Variants in ADGRE3 observed in about 807,000 individuals in gnomAD.
The protein encoded by ADGRE3 is EGF-like module receptor 3.
ADGRE3 carries 88 observed loss-of-function variants against 80.1 expected under a neutral mutation model. The observed-to-expected ratio is 1.10, with a 90% CI of 0.93 to 1.31. The LOEUF is 1.31. Among genes scored for constraint, ADGRE3 ranks in the 40% most tolerant of loss-of-function variants. ADGRE3 has a pLI of 0.00. For missense variants in ADGRE3, 715 were observed against 776.5 expected (o/e 0.92, Z 0.94); for synonymous variants, 281 against 294.8 (o/e 0.95, Z 0.48).
At position 14,669,859 on chromosome 19, in the gene ADGRE3, C is replaced by T. The variant is rs1452220259; in HGVS notation, c.26-1007G>A. On this transcript the variant is annotated intron_variant, in intron 1 of 15. Transcript: ENST00000253673. ...TTTCTGGGTCCAACAGTAGTTCTAT[C>T]TTTAGTTCTTTAAGAGATCTCCAAA... 2.0e-5 allele frequency among the ~76,000 whole-genome samples: 3 copies of T among 151,960 alleles called. No individual in the cohort carries two copies. The East Asian group carries it at 5.8e-4, about 29-fold the overall frequency.
chr19:14,657,166 C>T (rs1208995144), intron 5 of ADGRE3, among the ~76,000 whole-genome samples: 9 of 152,182 alleles, frequency 5.9e-5, no homozygotes, highest in Non-Finnish European at 2.9e-5. Flanking sequence ...GCTGGGATTA[C>T]AGGCATTAGC....
intron 7 of ADGRE3, among the ~76,000 whole-genome samples, chr19:14,650,629 ATCTCTCTC>A (rs376333448): frequency 0.032 from 778 of 24,414 alleles, 5 homozygotes; most frequent in South Asian, 0.058. Flanking sequence ...CTCTGTCTCC[ATCTCTCTC>A]TCTCTCTCTC....
Position 14,663,421 on chromosome 19 carries a change from T to C in ADGRE3, c.196A>G (p.Asn66Asp), listed in dbSNP as rs202140919. The stretch of plus-strand genomic sequence containing the variant: ...AAAAATAATAATACTTCTTTACCGT[T>C]ACATGTCTCCAAGGGGAATGTGAAT... The part of the protein sequence containing the change: ...KLFTFPLETC[N>D]DINECTPPYS... Residue 66 changes from asparagine to aspartate, a missense_variant, in exon 3 of 16, where the codon AAC (asparagine) becomes GAC (aspartate). Physicochemically the swap from Asn to Asp is conservative, Grantham distance 23. Coordinates refer to ENST00000253673, the MANE Select transcript of ADGRE3 (RefSeq NM_032571.5). 9 of 1,583,346 alleles carry C rather than the reference T, an allele frequency of 5.7e-6. No homozygotes were observed. The highest frequency in any genetic ancestry group is 7.8e-6 in the Non-Finnish European group (9 of 1,159,228).
intron 7 of ADGRE3, among the ~76,000 whole-genome samples, chr19:14,648,802 A>G (rs1198435323): frequency 6.6e-6 from 1 of 152,106 alleles, no homozygotes; most frequent in African/African-American, 2.4e-5. Context: ...TTCAAGCTGC[A>G]CTATCAGTTC....
At chr19:14,621,374 G>A (rs1215957492) in intron 15 of ADGRE3, among the ~76,000 whole-genome samples, 3 of 151,838 alleles carry the variant, frequency 2.0e-5, no homozygotes, top group African/African-American at 7.3e-5. Flanking sequence ...AGAATCGCTT[G>A]AACCCAGGAG....
At chr19:14,610,468 A>AAC in the ADGRE3 span, 2 of 453,882 alleles carry the variant, frequency 4.4e-6, no homozygotes, top group South Asian at 4.7e-5. Flanking sequence ...AAGGATCTTC[A>AAC]CTAAGTTCCT....
In ADGRE3 at chr19:14,619,967, G is replaced by T. The variant is rs116536056; in HGVS notation, c.1921-496C>A. 7.8e-3 allele frequency among the ~76,000 whole-genome samples: 1,190 copies of T among 152,160 alleles called. 16 individuals are homozygous for T. Among genetic ancestry groups the T allele is most frequent in the African/African-American group, 0.028 (1,155 of 41,522 alleles). On this transcript the variant is annotated intron_variant, in intron 15 of 15. Transcript: ENST00000253673. ...TCCTAGCCTAGTTATAAGAGTTGTG[G>T]GCAAGAAGTTCAAAGTTACATCTTC...
chr19:14,651,565 C>A (rs1971609155), intron 6 of ADGRE3, among the ~76,000 whole-genome samples: 1 of 152,156 alleles, frequency 6.6e-6, no homozygotes, highest in African/African-American at 2.4e-5. Context: ...AAACCAAGTT[C>A]TTAACTAACA....
At chr19:14,653,581 A>AT (rs1168969774) in intron 6 of ADGRE3, among the ~76,000 whole-genome samples, 3 of 151,268 alleles carry the variant, frequency 2.0e-5, no homozygotes, top group Middle Eastern at 3.4e-3. Context: ...CTCTATTAAA[A>AT]TTTTTTTTTG....
At chr19:14,664,029 T>C (rs941304819) in intron 2 of ADGRE3, among the ~76,000 whole-genome samples, 3 of 151,960 alleles carry the variant, frequency 2.0e-5, no homozygotes, top group Admixed American at 2.0e-4. Context: ...TGAGGAAGCC[T>C]GTGCCTTTTC....
downstream of ADGRE3, among the ~76,000 whole-genome samples, chr19:14,617,381 T>TCTTC (rs2075087631): frequency 2.3e-5 from 3 of 131,010 alleles, no homozygotes; most frequent in African/African-American, 8.3e-5. Context: ...TTTCTTCCTT[T>TCTTC]CTTTCTTTCT....
rs112137688 is a variant in ADGRE3, at chr19:14,651,347, T to C, written c.578-143A>G. On this transcript the variant is annotated intron_variant, in intron 6 of 15. Coordinates refer to ENST00000253673, the MANE Select transcript of ADGRE3 (RefSeq NM_032571.5). ...GAAGGATTGCTTGGGCCCAGGAATT[T>C]GAGCCCAGGCAACACAGTGAGATGC... 181 of 842,548 alleles carry C rather than the reference T, an allele frequency of 2.1e-4. No homozygotes were observed. In the African/African-American group the frequency reaches 2.7e-3, roughly 12 times the overall value. The allele number at this position is 842,548 out of a possible 1,614,324, so 52.2% of individuals were successfully genotyped here.
chr19:14,620,568 A>ATT lies in ADGRE3; in HGVS notation c.1921-1099_1921-1098dup, dbSNP rs1189295641. On this transcript the variant is annotated intron_variant, in intron 15 of 15. Coordinates refer to ENST00000253673, the MANE Select transcript of ADGRE3 (RefSeq NM_032571.5). Reference sequence around the variant, plus strand: ...ATATATTATATATATATATATATATATTTTTTTTTTTTTTTTTTTTTTTTT... The same window carrying ATT: ...ATATATTATATATATATATATATATATTTTTTTTTTTTTTTTTTTTTTTTTTT... Among the ~76,000 whole-genome samples the ATT allele has an allele frequency of 2.3e-3, 25 of 11,050 alleles. 2 individuals carry two copies. Among genetic ancestry groups the ATT allele is most frequent in the South Asian group, 0.015 (4 of 268 alleles). The allele number at this position is 11,050 out of a possible 152,430, so 7.2% of individuals were successfully genotyped here.
chr19:14,602,746 T>C, the ADGRE3 span, among the ~76,000 whole-genome samples: 1 of 152,134 alleles, frequency 6.6e-6, no homozygotes, highest in African/African-American at 2.4e-5. Context: ...AAACAGTTTT[T>C]TTTTTTTGAG....
At position 14,658,655 on chromosome 19, in the gene ADGRE3, G is replaced by T; in HGVS notation, c.356-105C>A. 7.1e-6 allele frequency: 4 copies of T among 561,992 alleles called. No individual in the cohort carries two copies. In the South Asian group the frequency reaches 1.4e-4, roughly 19 times the overall value. 34.8% of individuals were successfully genotyped at this position (561,992 alleles called of 1,614,324 possible). ...GGGGTGAGCAACTTTGCACCTAGAA[G>T]GTAAAAGCCTGAATTCATAGTCTTT... On this transcript the variant is annotated intron_variant, in intron 4 of 15. Coordinates refer to ENST00000253673, the MANE Select transcript of ADGRE3 (RefSeq NM_032571.5).
At chr19:14,662,259 T>C in intron 3 of ADGRE3, 141 bp from the exon 4 acceptor site, 1 of 742,624 alleles carries the variant, frequency 1.3e-6, no homozygotes, top group Non-Finnish European at 2.1e-6. Context: ...GTTATCTTGG[T>C]TTTTCGCTTT....
intron 11 of ADGRE3, among the ~76,000 whole-genome samples, chr19:14,635,131 C>G (rs1429230763): frequency 6.6e-6 from 1 of 152,084 alleles, no homozygotes; most frequent in Non-Finnish European, 1.5e-5. Context: ...GGATCTTGCT[C>G]TGTCACTCAG....
chr19:14,638,342 T>TGGGGGAGGAGAAAGGGATGCCTGAA lies in ADGRE3; in HGVS notation c.1249-27_1249-3dup. 6.2e-7 allele frequency: 1 copy of TGGGGGAGGAGAAAGGGATGCCTGAA among 1,612,486 alleles called. No individual in the cohort carries two copies. The highest frequency in any genetic ancestry group is 8.5e-7 in the Non-Finnish European group (1 of 1,178,624). On this transcript the variant is annotated splice_polypyrimidine_tract_variant and splice_region_variant and intron_variant, in intron 10 of 15. Transcript: ENST00000253673. ...ACCGGCGATGATGGAGCACAGCACC[T>TGGGGGAGGAGAAAGGGATGCCTGAA]GGGGGAGGAGAAAGGGATGCCTGAA...
intron 9 of ADGRE3, among the ~76,000 whole-genome samples, chr19:14,642,478 A>G (rs933620351): frequency 1.1e-4 from 16 of 152,250 alleles, no homozygotes; most frequent in Admixed American, 5.9e-4. Context: ...GGTTTGTTAC[A>G]TAGGTAAACC....
Sources: gnomAD v4.1 joint callset for allele counts (sites outside exome capture counted in the v4.1 genomes callset) on GRCh38, gnomAD v4.1.1 for gene constraint, MANE v1.5 for transcripts, NCBI Gene and HGNC (gene_info 2026-07-23, HGNC 2026-07-21) for gene names.